C10orf90: variants seen among roughly 807,000 people sequenced by gnomAD.
The protein encoded by C10orf90 is (E2-independent) E3 ubiquitin-conjugating enzyme FATS.
A neutral mutation model predicts 62.5 loss-of-function variants in C10orf90; 56 were observed. That is an observed-to-expected ratio of 0.90 (90% CI 0.72 to 1.12). C10orf90 has a LOEUF of 1.12. C10orf90 is among the 50% of genes most tolerant of loss of function. C10orf90 has a pLI of 0.00. For missense variants in C10orf90, 970 were observed against 880.4 expected (o/e 1.10, Z -1.29); for synonymous variants, 386 against 340.4 (o/e 1.13, Z -1.47).
intron 1 of C10orf90, among the ~76,000 whole-genome samples, chr10:126,661,026 A>T (rs1846498678): frequency 6.6e-6 from 1 of 152,104 alleles, no homozygotes; most frequent in African/African-American, 2.4e-5. Flanking sequence ...AACTTGGAAA[A>T]CTTTTAGCCA....
At chr10:126,480,519 G>A (rs1424010090) in intron 4 of C10orf90, among the ~76,000 whole-genome samples, 1 of 152,230 alleles carries the variant, frequency 6.6e-6, no homozygotes, top group African/African-American at 2.4e-5. Flanking sequence ...CAGAGCTTGG[G>A]AGCTTTCAGG....
At chr10:126,617,261 C>G (rs1234027610) in intron 2 of C10orf90, among the ~76,000 whole-genome samples, 1 of 152,170 alleles carries the variant, frequency 6.6e-6, no homozygotes, top group Non-Finnish European at 1.5e-5. Flanking sequence ...AATTTGGTCT[C>G]CAACCAGAGC....
chr10:126,668,780 G>A (rs1185683313), intron 1 of C10orf90, among the ~76,000 whole-genome samples: 1 of 152,116 alleles, frequency 6.6e-6, no homozygotes, highest in African/African-American at 2.4e-5. Flanking sequence ...TTTAACATTA[G>A]TGGCTCGGTT....
chr10:126,504,470 T>C lies in C10orf90; in HGVS notation c.1021A>G (p.Ser341Gly). 1 of 1,614,212 alleles carries C rather than the reference T, an allele frequency of 6.2e-7. No homozygotes were observed. Among genetic ancestry groups the C allele is most frequent in the Non-Finnish European group, 8.5e-7 (1 of 1,180,036 alleles). ...ACACAGGAACTGAACACCAGCGGGC[T>C]CTTTCCTGACAGTGGGGTGTCTGGA... ...FSPDTPLSGKSPLVFSSCVHL... is the reference protein window; with the variant it reads ...FSPDTPLSGKGPLVFSSCVHL... Residue 341 changes from serine to glycine, a missense_variant, in exon 4 of 10, where the codon AGC becomes GGC. Transcript: ENST00000488181. The surrounding 1 kb of genome is among the most constrained non-coding windows in gnomAD (Gnocchi z 4.1).
At chr10:126,538,116 G>A (rs901745704) in intron 2 of C10orf90, among the ~76,000 whole-genome samples, 4 of 152,174 alleles carry the variant, frequency 2.6e-5, no homozygotes, top group African/African-American at 9.7e-5. Context: ...GGCTGGGGAG[G>A]CCTCACAATC....
intron 2 of C10orf90, among the ~76,000 whole-genome samples, chr10:126,580,927 C>T (rs1300297573): frequency 8.7e-6 from 1 of 115,486 alleles, no homozygotes; most frequent in Non-Finnish European, 1.8e-5. Flanking sequence ...ATTGTCAGTT[C>T]TCCCCTGTGT....
chr10:126,466,032 C>CT (rs1045489402), intron 4 of C10orf90, among the ~76,000 whole-genome samples: 4 of 100,802 alleles, frequency 4.0e-5, no homozygotes, highest in Non-Finnish European at 8.4e-5. Context: ...ATTTTGTACT[C>CT]TTGATTTTTT....
chr10:126,460,686 G>C (rs910038022), intron 6 of C10orf90, among the ~76,000 whole-genome samples: 1 of 152,060 alleles, frequency 6.6e-6, no homozygotes, highest in Non-Finnish European at 1.5e-5. Flanking sequence ...AGAGACTTTG[G>C]GGGCACCATG....
chr10:126,512,704 C>A (rs1218560558), intron 3 of C10orf90, among the ~76,000 whole-genome samples: 1 of 152,146 alleles, frequency 6.6e-6, no homozygotes, highest in Non-Finnish European at 1.5e-5. Context: ...TCTTTGCATT[C>A]ATTTTCCTCC....
At chr10:126,557,357 G>A (rs1864800321) in intron 2 of C10orf90, among the ~76,000 whole-genome samples, 1 of 151,964 alleles carries the variant, frequency 6.6e-6, no homozygotes, top group African/African-American at 2.4e-5. Flanking sequence ...GGCGGCGCCT[G>A]TAGTCCCAGC....
chr10:126,608,926 A>G (rs1367379158), intron 2 of C10orf90, among the ~76,000 whole-genome samples: 1 of 152,206 alleles, frequency 6.6e-6, no homozygotes, highest in East Asian at 1.9e-4. Context: ...CTATGTAAAC[A>G]AAAACTCTTC....
At chr10:126,642,402 G>A (rs1222153085) in intron 2 of C10orf90, among the ~76,000 whole-genome samples, 1 of 152,062 alleles carries the variant, frequency 6.6e-6, no homozygotes, top group South Asian at 2.1e-4. Flanking sequence ...CGTGGTGGCG[G>A]GCGCCTGTAG....
intron 2 of C10orf90, among the ~76,000 whole-genome samples, chr10:126,634,684 G>T (rs987670236): frequency 6.6e-6 from 1 of 152,042 alleles, no homozygotes; most frequent in African/African-American, 2.4e-5. Flanking sequence ...TATCTATTAC[G>T]ACTACTCCTC....
At chr10:126,562,807 C>T (rs149929070) in intron 2 of C10orf90, among the ~76,000 whole-genome samples, 3 of 152,182 alleles carry the variant, frequency 2.0e-5, no homozygotes, top group Admixed American at 6.5e-5. Flanking sequence ...AACCATCAGG[C>T]GAGCCCCTTC....
At chr10:126,514,404 A>T (rs1435547679) in intron 2 of C10orf90, among the ~76,000 whole-genome samples, 2 of 152,216 alleles carry the variant, frequency 1.3e-5, no homozygotes, top group African/African-American at 4.8e-5. Context: ...ACACTGTTTT[A>T]GACCCTCTGA....
chr10:126,470,151 G>A, intron 4 of C10orf90: 2 of 415,474 alleles, frequency 4.8e-6, no homozygotes, highest in South Asian at 3.6e-5. Flanking sequence ...TTCTTCTGTA[G>A]GTTGCATGCT....
At chr10:126,507,627 G>T (rs1364244529) in intron 3 of C10orf90, among the ~76,000 whole-genome samples, 1 of 151,942 alleles carries the variant, frequency 6.6e-6, no homozygotes. Context: ...TGAGGCTAAT[G>T]CTGCTGGAAG....
intron 2 of C10orf90, among the ~76,000 whole-genome samples, chr10:126,563,843 T>G (rs979200485): frequency 2.0e-5 from 3 of 152,218 alleles, no homozygotes; most frequent in African/African-American, 7.2e-5. Context: ...GTAGCAGCCC[T>G]GCCTTCAAGT....
intron 4 of C10orf90, among the ~76,000 whole-genome samples, chr10:126,472,507 C>T (rs1471173387): frequency 1.3e-5 from 2 of 152,096 alleles, no homozygotes; most frequent in African/African-American, 2.4e-5. Context: ...ACAGGTTCAT[C>T]GAGACATGCC....
Sources: gnomAD v4.1 joint callset for allele counts (sites outside exome capture counted in the v4.1 genomes callset) on GRCh38, gnomAD v4.1.1 for gene constraint, Gnocchi (gnomAD v3.1) non-coding constraint, MANE v1.5 for transcripts, NCBI Gene and HGNC (gene_info 2026-07-23, HGNC 2026-07-21) for gene names.